Variants in TMEM131L observed in about 807,000 individuals in gnomAD.
TMEM131L encodes the protein transmembrane 131 like, also known as transmembrane protein 131-like.
TMEM131L carries 54 observed loss-of-function variants against 192.2 expected under a neutral mutation model. The observed-to-expected ratio is 0.28, with a 90% CI of 0.23 to 0.35. The LOEUF (loss-of-function observed/expected upper bound fraction) is 0.35, where lower values mean the gene tolerates loss of function less well. Among genes scored for constraint, TMEM131L ranks in the 10% least tolerant of loss-of-function variants. TMEM131L has a pLI of 1.00. For missense variants in TMEM131L, 1,888 were observed against 1,972.9 expected (o/e 0.96, Z 0.82); for synonymous variants, 701 against 704.9 (o/e 0.99, Z 0.09).
chr4:153,476,620 C>G (rs993347551), intron 3 of TMEM131L, among the ~76,000 whole-genome samples: 3 of 152,016 alleles, frequency 2.0e-5, no homozygotes, highest in South Asian at 4.1e-4. Flanking sequence ...TGGCATGAAC[C>G]CGGGAGGCGG....
intron 3 of TMEM131L, among the ~76,000 whole-genome samples, chr4:153,526,523 A>C (rs532457879): frequency 1.3e-5 from 2 of 152,162 alleles, no homozygotes; most frequent in South Asian, 4.1e-4. Flanking sequence ...TCACGAGGTC[A>C]GGAGATTGAG....
intron 16 of TMEM131L, 134 bp from the exon 17 acceptor site, chr4:153,590,919 A>G (rs1363127562): frequency 4.1e-6 from 2 of 491,172 alleles, no homozygotes; most frequent in Non-Finnish European, 6.3e-6. Flanking sequence ...CCTAGAATAA[A>G]CCATTTCCCC....
In TMEM131L at chr4:153,555,320, TAC is replaced by T. The variant is rs1737906873; in HGVS notation, c.309-465_309-464del. ...AAGAAAAATTGGGTTTTTCTGTGAG[TAC>T]AGTTTCTTACCTAAACATATTTTCG... On this transcript the variant is annotated intron_variant, in intron 4 of 34. Coordinates refer to ENST00000409959, the MANE Select transcript of TMEM131L (RefSeq NM_001131007.2). The surrounding 1 kb of genome is among the most constrained non-coding windows in gnomAD (Gnocchi z 4.1). Among the ~76,000 whole-genome samples, 1 of 152,350 alleles carries T rather than the reference TAC, an allele frequency of 6.6e-6. No homozygotes were observed. Among genetic ancestry groups the T allele is most frequent in the East Asian group, 1.9e-4 (1 of 5,190 alleles).
rs184307535 is a variant in TMEM131L, at chr4:153,633,855, C to T, written c.4329-337C>T. 2.8e-3 allele frequency among the ~76,000 whole-genome samples: 425 copies of T among 152,292 alleles called. 1 individual carries two copies. Among genetic ancestry groups the T allele is most frequent in the African/African-American group, 9.4e-3 (390 of 41,552 alleles). On this transcript the variant is annotated intron_variant, in intron 32 of 34. Coordinates refer to ENST00000409959, the MANE Select transcript of TMEM131L (RefSeq NM_001131007.2). Reference sequence around the variant, plus strand: ...GTTTTTAATGGAACATGTTTAAGTCCTTCAGATGTGCACAAAGACACTTAA... The same window carrying T: ...GTTTTTAATGGAACATGTTTAAGTCTTTCAGATGTGCACAAAGACACTTAA...
chr4:153,603,509 C>T (rs1731996268), intron 24 of TMEM131L, 57 bp downstream of exon 24: 2 of 1,509,444 alleles, frequency 1.3e-6, no homozygotes, highest in Non-Finnish European at 1.8e-6. Context: ...TTTGATATTA[C>T]TCATTTCTGA....
intron 4 of TMEM131L, among the ~76,000 whole-genome samples, chr4:153,552,788 C>T (rs1580198835): frequency 6.6e-6 from 1 of 152,054 alleles, no homozygotes; most frequent in East Asian, 1.9e-4. Context: ...GAGCTATGAT[C>T]ATGCCACTGC....
At chr4:153,484,544 C>T (rs1393161496) in intron 3 of TMEM131L, among the ~76,000 whole-genome samples, 1 of 151,254 alleles carries the variant, frequency 6.6e-6, no homozygotes, top group Non-Finnish European at 1.5e-5. Flanking sequence ...TCTTGGCTCA[C>T]TGCAAGCTCT....
At position 153,582,429 on chromosome 4, in the gene TMEM131L, TG is replaced by T. The variant is rs1561212520; in HGVS notation, c.893-760del. ...CTGGCTAATTTAAACCGTTTTTTTTTGTTGTTTTTTTTTTTTTTTTTTTTTT... is the reference window on the plus strand; with the variant it reads ...CTGGCTAATTTAAACCGTTTTTTTTTTTGTTTTTTTTTTTTTTTTTTTTTT... On this transcript the variant is annotated intron_variant, in intron 9 of 34. Coordinates refer to ENST00000409959, the MANE Select transcript of TMEM131L (RefSeq NM_001131007.2). 1.8e-3 allele frequency among the ~76,000 whole-genome samples: 221 copies of T among 119,978 alleles called. 34 individuals are homozygous for T. The highest frequency in any genetic ancestry group is 9.3e-3 in the African/African-American group (197 of 21,070). The allele number at this position is 119,978 out of a possible 152,430, so 78.7% of individuals were successfully genotyped here.
At position 153,488,306 on chromosome 4, in the gene TMEM131L, T is replaced by C. The variant is rs539641649; in HGVS notation, c.239+14418T>C. 1.6e-4 allele frequency among the ~76,000 whole-genome samples: 24 copies of C among 152,254 alleles called. No homozygotes were observed. The South Asian group carries it at 4.8e-3, about 30-fold the overall frequency. On this transcript the variant is annotated intron_variant, in intron 3 of 34. Coordinates refer to ENST00000409959, the MANE Select transcript of TMEM131L (RefSeq NM_001131007.2). ...AAACTGAAAGAAGTGTTCTAAAAAT[T>C]CTGTGAGAAACTGGGGTGGGCGGAA...
At position 153,537,375 on chromosome 4, in the gene TMEM131L, A is replaced by G. The variant is rs1220810508; in HGVS notation, c.240-12698A>G. 3.3e-5 allele frequency among the ~76,000 whole-genome samples: 5 copies of G among 152,214 alleles called. No individual in the cohort carries two copies. In the East Asian group the frequency reaches 7.7e-4, roughly 23 times the overall value. ...GAATTCAAGGCAAGTCCATAGTGCAAAGCAAAAGCAGGTTTATTAAGAAAG... is the reference window on the plus strand; with the variant it reads ...GAATTCAAGGCAAGTCCATAGTGCAGAGCAAAAGCAGGTTTATTAAGAAAG... On this transcript the variant is annotated intron_variant, in intron 3 of 34. Coordinates refer to ENST00000409959, the MANE Select transcript of TMEM131L (RefSeq NM_001131007.2).
At chr4:153,480,517 CAAAA>C (rs1157080931) in intron 3 of TMEM131L, among the ~76,000 whole-genome samples, 3 of 50,782 alleles carry the variant, frequency 5.9e-5, no homozygotes, top group African/African-American at 2.3e-4. Flanking sequence ...GACTCCATCT[CAAAA>C]AAAAAAAAAA....
In TMEM131L at chr4:153,558,371, C is replaced by T. The variant is rs1561191206; in HGVS notation, c.660+3C>T. On this transcript the variant is annotated splice_donor_region_variant and intron_variant, in intron 7 of 34. Coordinates refer to ENST00000409959, the MANE Select transcript of TMEM131L (RefSeq NM_001131007.2). ...GCATTCAGCTGTCTCAAATGCAGGT[C>T]ATTTTAATAGATTTACTTTGAATGC... The T allele has an allele frequency of 6.4e-7, 1 of 1,564,982 alleles. No homozygotes were observed. Among genetic ancestry groups the T allele is most frequent in the East Asian group, 2.2e-5 (1 of 44,500 alleles).
chr4:153,571,258 C>T (rs1729570896), intron 7 of TMEM131L, among the ~76,000 whole-genome samples: 1 of 152,196 alleles, frequency 6.6e-6, no homozygotes, highest in South Asian at 2.1e-4. Flanking sequence ...TTTATCTTGT[C>T]CTGCCTGGTT....
At chr4:153,571,370 T>C (rs781672821) in intron 7 of TMEM131L, among the ~76,000 whole-genome samples, 35 of 152,276 alleles carry the variant, frequency 2.3e-4, no homozygotes, top group Middle Eastern at 3.4e-3. Flanking sequence ...AGTAATTGTA[T>C]CTCCATTGAA....
chr4:153,571,071 C>T (rs887350105), intron 7 of TMEM131L, among the ~76,000 whole-genome samples: 2 of 151,822 alleles, frequency 1.3e-5, no homozygotes, highest in Admixed American at 1.3e-4. Flanking sequence ...CCCTTTAGAT[C>T]TTTCTCTAGA....
At chr4:153,504,072 T>C (rs1338829677) in intron 3 of TMEM131L, among the ~76,000 whole-genome samples, 2 of 151,690 alleles carry the variant, frequency 1.3e-5, no homozygotes, top group Non-Finnish European at 2.9e-5. Flanking sequence ...GTTCACGCCA[T>C]TCTCCTGCCT....
intron 3 of TMEM131L, among the ~76,000 whole-genome samples, chr4:153,549,551 A>G (rs115872612): frequency 0.012 from 1,876 of 152,312 alleles, 38 homozygotes; most frequent in African/African-American, 0.041. Context: ...ATGAAGGAAA[A>G]TGAAATCATA....
chr4:153,625,613 T>G (rs937954296), intron 29 of TMEM131L, among the ~76,000 whole-genome samples: 2 of 152,062 alleles, frequency 1.3e-5, no homozygotes, highest in African/African-American at 2.4e-5. Context: ...ATGTGAAATA[T>G]GATTCCAATT....
At chr4:153,502,819 A>G (rs934331303) in intron 3 of TMEM131L, among the ~76,000 whole-genome samples, 4 of 152,212 alleles carry the variant, frequency 2.6e-5, no homozygotes, top group South Asian at 2.1e-4. Context: ...TGGAAGTGCT[A>G]TAACTCTTGA....
Sources: gnomAD v4.1 joint callset for allele counts (sites outside exome capture counted in the v4.1 genomes callset) on GRCh38, gnomAD v4.1.1 for gene constraint, Gnocchi (gnomAD v3.1) non-coding constraint, MANE v1.5 for transcripts, NCBI Gene and HGNC (gene_info 2026-07-23, HGNC 2026-07-21) for gene names.